The following PIR variants were observed in gnomAD, a reference collection of about 807,000 sequenced individuals.
The protein encoded by PIR is pirin.
Under a neutral mutation model 24.2 loss-of-function variants are expected in PIR, and 22 were observed. That is an observed-to-expected ratio of 0.91 (90% CI 0.65 to 1.30). The LOEUF (loss-of-function observed/expected upper bound fraction) is 1.30, where lower values mean the gene tolerates loss of function less well. Ranked by LOEUF, PIR falls within the 50% of genes most tolerant of loss-of-function variation. The probability of loss-of-function intolerance (pLI) is 0.00; values close to 1 mark genes in which losing one functional copy is unlikely to be tolerated. For missense variants in PIR, 220 were observed against 220.3 expected (o/e 1.00, Z 0.01); for synonymous variants, 80 against 79.6 (o/e 1.00, Z -0.03).
intron 6 of PIR, among the ~76,000 whole-genome samples, chrX:15,419,881 A>C (rs949988103): frequency 1.0e-5 from 1 of 96,135 alleles, no homozygotes; most frequent in African/African-American, 4.0e-5. Flanking sequence ...GGGCGACAAG[A>C]GCTAAACTCC....
intron 8 of PIR, among the ~76,000 whole-genome samples, chrX:15,390,614 T>C (rs1228615029): frequency 2.7e-5 from 3 of 111,460 alleles, no homozygotes; most frequent in South Asian, 7.4e-4. Flanking sequence ...AAAGGGAAGA[T>C]TAGTTATGGA....
At chrX:15,393,454 G>C (rs763184208) in intron 8 of PIR, among the ~76,000 whole-genome samples, 2 of 111,149 alleles carry the variant, frequency 1.8e-5, no homozygotes, top group African/African-American at 3.3e-5. Flanking sequence ...CTAAGGCATG[G>C]GTCCCCAACC....
chrX:15,456,289 C>A (rs1394102476), intron 4 of PIR, among the ~76,000 whole-genome samples: 1 of 112,267 alleles, frequency 8.9e-6, no homozygotes, highest in Admixed American at 9.4e-5. Flanking sequence ...GGAATTCCCA[C>A]AAATGGAAGA....
chrX:15,460,358 C>A (rs978893237), intron 3 of PIR, among the ~76,000 whole-genome samples: 1 of 111,557 alleles, frequency 9.0e-6, no homozygotes, highest in African/African-American at 3.3e-5. Flanking sequence ...ATCTGTTGAC[C>A]AATAAATAGA....
At chrX:15,390,285 C>T in intron 8 of PIR, 34 bp from the exon 9 acceptor site, 1 of 851,077 alleles carries the variant, frequency 1.2e-6, no homozygotes, top group Non-Finnish European at 1.7e-6. Context: ...AAACAATAAG[C>T]AGGCTTATTT....
At chrX:15,447,573 C>T (rs1294320680) in intron 5 of PIR, among the ~76,000 whole-genome samples, 1 of 111,899 alleles carries the variant, frequency 8.9e-6, no homozygotes, top group African/African-American at 3.3e-5. Context: ...CCGCCTCGGC[C>T]TCCCAAAGTG....
chrX:15,425,034 T>TA (rs200003791), intron 6 of PIR, among the ~76,000 whole-genome samples: 3,609 of 100,735 alleles, frequency 0.036, 169 homozygotes, highest in African/African-American at 0.12. Context: ...TAGCCAGAAT[T>TA]AAAAAAAAAA....
At chrX:15,394,208 T>C (rs1001330384) in intron 8 of PIR, among the ~76,000 whole-genome samples, 9 of 112,080 alleles carry the variant, frequency 8.0e-5, no homozygotes, top group African/African-American at 2.9e-4. Context: ...CTTCATTGTT[T>C]ATACTTCTTG....
chrX:15,461,017 A>G (rs1921277366), intron 3 of PIR, among the ~76,000 whole-genome samples: 2 of 112,265 alleles, frequency 1.8e-5, no homozygotes, highest in African/African-American at 6.5e-5. Flanking sequence ...TGTCTTTGAC[A>G]GAATCTCACC....
chrX:15,467,349 C>T (rs1602288700), intron 3 of PIR, among the ~76,000 whole-genome samples: 1 of 112,441 alleles, frequency 8.9e-6, no homozygotes, highest in South Asian at 3.7e-4. Context: ...CGGCATATTG[C>T]CAGTAACGTA....
At chrX:15,460,389 A>G (rs886947999) in intron 3 of PIR, among the ~76,000 whole-genome samples, 1 of 112,053 alleles carries the variant, frequency 8.9e-6, no homozygotes, top group Non-Finnish European at 1.9e-5. Context: ...TATATACACA[A>G]TGGAGTACTA....
intron 8 of PIR, among the ~76,000 whole-genome samples, chrX:15,395,603 T>C (rs1301462028): frequency 8.9e-6 from 1 of 112,160 alleles, no homozygotes; most frequent in East Asian, 2.8e-4. Context: ...GTTGGCAGTA[T>C]TATTTTAATT....
intron 5 of PIR, among the ~76,000 whole-genome samples, chrX:15,436,496 G>T (rs781523358): frequency 1.8e-5 from 2 of 111,725 alleles, no homozygotes; most frequent in East Asian, 2.8e-4. Flanking sequence ...ACCAGAAAAA[G>T]AACAAATTCC....
chrX:15,454,640 C>T (rs755189151), intron 5 of PIR, among the ~76,000 whole-genome samples: 1 of 111,638 alleles, frequency 9.0e-6, no homozygotes, highest in Admixed American at 9.5e-5. Context: ...GCCATTATCC[C>T]TGATGGTACA....
At chrX:15,397,278 A>C (rs1035527386) in intron 8 of PIR, among the ~76,000 whole-genome samples, 171 bp downstream of exon 8, 1 of 112,585 alleles carries the variant, frequency 8.9e-6, no homozygotes, top group Non-Finnish European at 1.9e-5. Context: ...AAACTTTAAA[A>C]TAAACCCATA....
At chrX:15,387,387 G>A (rs962175955) in intron 9 of PIR, among the ~76,000 whole-genome samples, 4 of 109,762 alleles carry the variant, frequency 3.6e-5, no homozygotes, top group Middle Eastern at 4.7e-3. Flanking sequence ...ATGAGCCACC[G>A]CGCCCGGCCC....
chrX:15,465,782 G>A (rs1456971179), intron 3 of PIR, among the ~76,000 whole-genome samples: 1 of 111,698 alleles, frequency 9.0e-6, no homozygotes, highest in Non-Finnish European at 1.9e-5. Context: ...GTGAAGTTTA[G>A]GAAAGGTGTA....
At chrX:15,402,502 G>A (rs1450277892) in intron 7 of PIR, among the ~76,000 whole-genome samples, 1 of 111,624 alleles carries the variant, frequency 9.0e-6, no homozygotes, top group Non-Finnish European at 1.9e-5. Flanking sequence ...ATCCCCTCAA[G>A]CATTTATACT....
At chrX:15,392,352 C>T (rs1923986513) in intron 8 of PIR, among the ~76,000 whole-genome samples, 1 of 111,388 alleles carries the variant, frequency 9.0e-6, no homozygotes, top group African/African-American at 3.3e-5. Context: ...TAAAATGAAG[C>T]CTTCAAAATT....
Sources: gnomAD v4.1 joint callset for allele counts (sites outside exome capture counted in the v4.1 genomes callset) on GRCh38, gnomAD v4.1.1 for gene constraint, MANE v1.5 for transcripts, NCBI Gene and HGNC (gene_info 2026-07-23, HGNC 2026-07-21) for gene names.